Variants in COL5A3 observed in about 807,000 individuals in gnomAD.
The protein encoded by COL5A3 is collagen alpha-3(V) chain.
In COL5A3, 172 loss-of-function variants were observed where a neutral mutation model predicts 250.0. The observed-to-expected ratio is 0.69, with a 90% CI of 0.61 to 0.78. The LOEUF is 0.78. COL5A3 is among the 30% of genes least tolerant of loss of function. COL5A3 has a pLI of 0.00. For missense variants in COL5A3, 2,340 were observed against 2,334.4 expected (o/e 1.00, Z -0.05); for synonymous variants, 937 against 900.4 (o/e 1.04, Z -0.73).
At chr19:9,997,059 G>T in intron 11 of COL5A3, 1 of 539,184 alleles carries the variant, frequency 1.9e-6, no homozygotes, top group Non-Finnish European at 3.3e-6. Context: ...TGGACGGAGG[G>T]AGAGGGACAG....
intron 65 of COL5A3, among the ~76,000 whole-genome samples, chr19:9,961,510 G>A (rs1439203223): frequency 2.7e-5 from 4 of 147,812 alleles, no homozygotes; most frequent in Admixed American, 6.8e-5. Context: ...GACTATAGGT[G>A]CACACCACCA....
At chr19:9,961,534 C>CTT (rs1234344243) in intron 65 of COL5A3, among the ~76,000 whole-genome samples, 1 of 130,466 alleles carries the variant, frequency 7.7e-6, no homozygotes, top group African/African-American at 2.8e-5. Context: ...CTGGCTGGGA[C>CTT]TTTTTTTTTT....
intron 45 of COL5A3, 34 bp downstream of exon 45, chr19:9,976,524 C>G (rs2287810): frequency 7.9e-6 from 12 of 1,519,242 alleles, no homozygotes; most frequent in African/African-American, 5.7e-5. Context: ...CCTTCAAGGA[C>G]CCAGAGAAGG....
At chr19:9,997,884 T>C (rs1464064018) in intron 10 of COL5A3, 100 bp downstream of exon 10, 10 of 1,307,630 alleles carry the variant, frequency 7.6e-6, no homozygotes, top group Non-Finnish European at 8.7e-6. Context: ...ACCCTCCACT[T>C]GGCCAGGCAA....
intron 64 of COL5A3, among the ~76,000 whole-genome samples, chr19:9,963,137 C>T (rs1206721841): frequency 6.6e-6 from 1 of 152,164 alleles, no homozygotes; most frequent in Non-Finnish European, 1.5e-5. Flanking sequence ...GGGGATAACT[C>T]TCAGGTGCCT....
chr19:9,960,994 C>T, intron 65 of COL5A3, 104 bp from the exon 66 acceptor site: 4 of 1,403,066 alleles, frequency 2.9e-6, no homozygotes, highest in South Asian at 1.3e-5. Flanking sequence ...GCCACCCCCC[C>T]CATGTCACCA....
At position 9,969,698 on chromosome 19, in the gene COL5A3, G is replaced by C; in HGVS notation, c.3991-16C>G. The C allele has an allele frequency of 6.3e-7, 1 of 1,588,322 alleles. No individual in the cohort carries two copies. The highest frequency in any genetic ancestry group is 8.5e-7 in the Non-Finnish European group (1 of 1,170,562). On this transcript the variant is annotated splice_polypyrimidine_tract_variant and intron_variant, in intron 55 of 66. Transcript: ENST00000264828. The stretch of plus-strand genomic sequence containing the variant: ...CTGGCTCCCCCTGAAATGGACACAG[G>C]CAAGGGAGGGGCCAGAGTCAGAGGG...
rs188941398 is a variant in COL5A3, at chr19:9,989,231, G to A, written c.2092-54C>T. 2.1e-4 allele frequency: 343 copies of A among 1,611,842 alleles called. No homozygotes were observed. In the African/African-American group the frequency reaches 4.2e-3, roughly 20 times the overall value. On this transcript the variant is annotated intron_variant, in intron 26 of 66. Coordinates refer to ENST00000264828, the MANE Select transcript of COL5A3 (RefSeq NM_015719.4). ...CTAGACAGTCCCTTCCACATTCTAA[G>A]AGCCCTCATCTCTCTCCTCTGTGGC... is the stretch of plus-strand genomic sequence containing the variant.
Position 9,980,049 on chromosome 19 carries a change from T to C in COL5A3, c.2605-2A>G. 1 of 1,595,146 alleles carries C rather than the reference T, an allele frequency of 6.3e-7. No individual in the cohort carries two copies. Among genetic ancestry groups the C allele is most frequent in the Non-Finnish European group, 8.5e-7 (1 of 1,175,196 alleles). On this transcript the variant is annotated splice_acceptor_variant, in intron 35 of 66. Transcript: ENST00000264828. LOFTEE classifies it high-confidence loss of function. The stretch of plus-strand genomic sequence containing the variant: ...AGGGCCTTGCAGACCAGGGAGGCCC[T>C]GAAATGGAAACAGAAATCATGATCT...
rs1375349937 is a variant in COL5A3 at position 10,009,163 on chromosome 19, TGTGTG to T, written c.88+1130_88+1134del. Among the ~76,000 whole-genome samples the T allele has an allele frequency of 6.6e-3, 229 of 34,754 alleles. No individual in the cohort carries two copies. Among genetic ancestry groups the T allele is most frequent in the African/African-American group, 0.019 (112 of 5,918 alleles). 22.8% of individuals were successfully genotyped at this position (34,754 alleles called of 152,430 possible). A position where few individuals can be genotyped will look rare whatever the true frequency, so the allele number is the denominator to read the frequency against. ...CTCCAAAGTAAGAAGTGTGCTGTGG[TGTGTG>T]TGTGTGTGTGTGTGTGTGTGTGTGT... is the stretch of plus-strand genomic sequence containing the variant. On this transcript the variant is annotated intron_variant, in intron 1 of 66. Transcript: ENST00000264828. This position sits in a 1 kb window ranked among gnomAD's most constrained non-coding sequence, Gnocchi z 4.4.
chr19:9,989,334 C>T lies in COL5A3; in HGVS notation c.2079G>A (p.Glu693=), dbSNP rs1389741834. The T allele has an allele frequency of 6.2e-7, 1 of 1,614,192 alleles. No individual in the cohort carries two copies. Among genetic ancestry groups the T allele is most frequent in the Non-Finnish European group, 8.5e-7 (1 of 1,180,004 alleles). The change falls in exon 26 of 67, where the codon GAG becomes GAA. Residue 693 remains glutamate (E), a synonymous_variant. Coordinates refer to ENST00000264828, the MANE Select transcript of COL5A3 (RefSeq NM_015719.4). ...CCTGGTCACTCACCTGAGCCCCTTT[C>T]TCTCCCGTGGGGCCCTCATGTCCTG... ...GHPGHEGPTG[E]KGAQGPPGSA...
chr19:9,979,971 CCAATGAGGGTG>C lies in COL5A3; in HGVS notation c.2658+12_2658+22del. On this transcript the variant is annotated intron_variant, in intron 36 of 66. Coordinates refer to ENST00000264828, the MANE Select transcript of COL5A3 (RefSeq NM_015719.4). ...CCCACATCCTCCACCCACCCAACCCCCAATGAGGGTGACCTCACTCACAGGGGGGCCCTTTG... is the reference window on the plus strand; with the variant it reads ...CCCACATCCTCCACCCACCCAACCCCACCTCACTCACAGGGGGGCCCTTTG... 1 of 1,579,600 alleles carries C rather than the reference CCAATGAGGGTG, an allele frequency of 6.3e-7. No homozygotes were observed. Among genetic ancestry groups the C allele is most frequent in the Non-Finnish European group, 8.6e-7 (1 of 1,169,506 alleles).
intron 62 of COL5A3, among the ~76,000 whole-genome samples, chr19:9,967,057 T>TCA (rs3837947): frequency 6.6e-6 from 1 of 151,650 alleles, no homozygotes; most frequent in East Asian, 1.9e-4. Flanking sequence ...GGCGCCAGTA[T>TCA]AGACAGAGAC....
chr19:9,966,671 C>T lies in COL5A3; in HGVS notation c.4534G>A (p.Gly1512Ser), dbSNP rs920939158. The T allele has an allele frequency of 2.0e-6, 3 of 1,538,174 alleles. No homozygotes were observed. Among genetic ancestry groups the T allele is most frequent in the Non-Finnish European group, 2.6e-6 (3 of 1,147,418 alleles). The change falls in exon 63 of 67, where the codon GGC becomes AGC. Residue 1512 changes from glycine to serine, a missense_variant. This residue lies in a region of COL5A3 where 1,179 missense variants were observed against 1,162.6 expected (regional missense o/e 1.01). Coordinates refer to ENST00000264828, the MANE Select transcript of COL5A3 (RefSeq NM_015719.4). ...VPVPLPVVEGGLEEVLASLTS... is the reference protein window; with the variant it reads ...VPVPLPVVEGSLEEVLASLTS... Reference sequence around the variant, plus strand: ...AGCGAGGCCAGCACCTCCTCCAGGCCGCCCTCCACGACTGGAAGCGGGACT... The same window carrying T: ...AGCGAGGCCAGCACCTCCTCCAGGCTGCCCTCCACGACTGGAAGCGGGACT...
chr19:9,986,833 A>C, intron 27 of COL5A3, 75 bp from the exon 28 acceptor site: 1 of 1,539,138 alleles, frequency 6.5e-7, no homozygotes, highest in Non-Finnish European at 8.9e-7. Context: ...CCCCTGCTCT[A>C]AAGCAGCCAG....
chr19:9,982,552 G>C (rs1256782166), intron 31 of COL5A3, among the ~76,000 whole-genome samples: 1 of 152,166 alleles, frequency 6.6e-6, no homozygotes, highest in East Asian at 1.9e-4. Flanking sequence ...TTCAATGCCT[G>C]TTTTCCCCCA....
chr19:9,962,546 C>T (rs1040785160), intron 65 of COL5A3, among the ~76,000 whole-genome samples: 3 of 152,154 alleles, frequency 2.0e-5, no homozygotes, highest in Non-Finnish European at 1.5e-5. Context: ...GAGCTGTGAT[C>T]TCTACTAGGA....
intron 32 of COL5A3, among the ~76,000 whole-genome samples, chr19:9,981,743 T>C (rs2087013494): frequency 6.6e-6 from 1 of 152,252 alleles, no homozygotes; most frequent in African/African-American, 2.4e-5. Context: ...CACACATTTA[T>C]GCCCACCATC....
At chr19:9,998,227 CACTT>C in intron 8 of COL5A3, 78 bp from the exon 9 acceptor site, 1 of 1,306,458 alleles carries the variant, frequency 7.7e-7, no homozygotes, top group South Asian at 1.3e-5. Context: ...TGATCACACA[CACTT>C]GCACACACAC....
Sources: gnomAD v4.1 joint callset for allele counts (sites outside exome capture counted in the v4.1 genomes callset) on GRCh38, gnomAD v4.1.1 for gene constraint, gnomAD v4.1.1 regional missense constraint, Gnocchi (gnomAD v3.1) non-coding constraint, MANE v1.5 for transcripts, NCBI Gene and HGNC (gene_info 2026-07-23, HGNC 2026-07-21) for gene names.